The following CSMD1 variants were observed in gnomAD, a reference collection of about 807,000 sequenced individuals.
The protein encoded by CSMD1 is CUB and sushi domain-containing protein 1.
A neutral mutation model predicts 417.5 loss-of-function variants in CSMD1; 213 were observed. That is an observed-to-expected ratio of 0.51 (90% CI 0.46 to 0.57). CSMD1 has a LOEUF of 0.57. Ranked by LOEUF, CSMD1 falls within the 20% of genes least tolerant of loss-of-function variation. The pLI, the probability that CSMD1 is intolerant of heterozygous loss-of-function variation, is 0.00. For missense variants in CSMD1, 6,923 were observed against 4,529.7 expected, an observed-to-expected ratio of 1.53 and a Z score of -15.17; for synonymous variants, 2,862 against 1,736.8, an observed-to-expected ratio of 1.65 and a Z score of -16.11.
In CSMD1 at chr8:3,493,591, T is replaced by G. The variant is rs996341682; in HGVS notation, c.1448+32A>C. Reference sequence around the variant, plus strand: ...CCCACCGTGCCCCGCACTGCATGCATAAGAGAAGAAGAAGCTCAAGGACAT... The same window carrying G: ...CCCACCGTGCCCCGCACTGCATGCAGAAGAGAAGAAGAAGCTCAAGGACAT... On this transcript the variant is annotated intron_variant, in intron 11 of 69. Transcript: ENST00000635120. The G allele has an allele frequency of 2.6e-6, 4 of 1,559,530 alleles. No homozygotes were observed. In the African/African-American group the frequency reaches 5.4e-5, roughly 21 times the overall value.
In CSMD1 at chr8:3,498,110, T is replaced by C. The variant is rs765195223; in HGVS notation, c.1345-4384A>G. 3.9e-5 allele frequency among the ~76,000 whole-genome samples: 6 copies of C among 152,344 alleles called. 1 individual carries two copies. In the Middle Eastern group the frequency reaches 0.01, roughly 259 times the overall value. ...TTTCTTCTTCTTTTTTCTTTCAGCATTTTCATTATATCACCCTGTTCTCCC... is the reference window on the plus strand; with the variant it reads ...TTTCTTCTTCTTTTTTCTTTCAGCACTTTCATTATATCACCCTGTTCTCCC... On this transcript the variant is annotated intron_variant, in intron 10 of 69. Coordinates refer to ENST00000635120, the MANE Select transcript of CSMD1 (RefSeq NM_033225.6).
At chr8:4,184,146 G>T (rs912704222) in intron 3 of CSMD1, among the ~76,000 whole-genome samples, 1 of 152,060 alleles carries the variant, frequency 6.6e-6, no homozygotes, top group Non-Finnish European at 1.5e-5. Flanking sequence ...ATATATAAAT[G>T]CATAACTATG....
chr8:4,972,353 G>A (rs1238606135), intron 1 of CSMD1, among the ~76,000 whole-genome samples: 4 of 152,144 alleles, frequency 2.6e-5, no homozygotes, highest in East Asian at 3.9e-4. Context: ...GAGACCGGGT[G>A]CAGGTAATTG....
At chr8:4,633,065 A>G (rs1802615905) in intron 2 of CSMD1, among the ~76,000 whole-genome samples, 2 of 152,192 alleles carry the variant, frequency 1.3e-5, no homozygotes. Context: ...AGCCAGGGCT[A>G]GGACAGCAGC....
chr8:3,125,441 A>T (rs1229645801), intron 41 of CSMD1, among the ~76,000 whole-genome samples: 1 of 152,196 alleles, frequency 6.6e-6, no homozygotes, highest in African/African-American at 2.4e-5. Context: ...ACATATAAAA[A>T]GTTTTAATTT....
At chr8:3,084,241 G>C (rs894721344) in intron 49 of CSMD1, among the ~76,000 whole-genome samples, 1 of 152,058 alleles carries the variant, frequency 6.6e-6, no homozygotes, top group Non-Finnish European at 1.5e-5. Context: ...CTACATTCTA[G>C]AGCTGGGCAG....
intron 3 of CSMD1, among the ~76,000 whole-genome samples, chr8:4,068,123 T>C (rs77686422): frequency 0.027 from 4,169 of 152,168 alleles, 196 homozygotes; most frequent in African/African-American, 0.095. Context: ...GTGAGTGTCT[T>C]CTTGCAGAGC....
chr8:4,124,233 T>G (rs1239506128), intron 3 of CSMD1, among the ~76,000 whole-genome samples: 1 of 152,102 alleles, frequency 6.6e-6, no homozygotes. Flanking sequence ...GGCAGGGGAG[T>G]GTGAGGCCTG....
At chr8:4,045,567 T>C (rs1050871349) in intron 3 of CSMD1, among the ~76,000 whole-genome samples, 1 of 152,164 alleles carries the variant, frequency 6.6e-6, no homozygotes, top group Non-Finnish European at 1.5e-5. Flanking sequence ...AAAGAGGATG[T>C]GCAATGCTTT....
chr8:4,929,615 C>G (rs4076110), intron 1 of CSMD1, among the ~76,000 whole-genome samples: 1 of 152,138 alleles, frequency 6.6e-6, no homozygotes, highest in Non-Finnish European at 1.5e-5. Flanking sequence ...ATGATTTCAT[C>G]ATTTGTCACC....
intron 3 of CSMD1, among the ~76,000 whole-genome samples, chr8:4,243,909 CAG>C (rs1180969976): frequency 6.6e-6 from 1 of 152,148 alleles, no homozygotes; most frequent in African/African-American, 2.4e-5. Flanking sequence ...ATTAGGTTAG[CAG>C]AGAGTTTGCT....
At chr8:4,915,683 G>A (rs988299057) in intron 1 of CSMD1, among the ~76,000 whole-genome samples, 1 of 152,204 alleles carries the variant, frequency 6.6e-6, no homozygotes, top group Non-Finnish European at 1.5e-5. Flanking sequence ...CCCGGCGGCA[G>A]TGGATTTCGG....
rs11356680 is a variant in CSMD1, at chr8:4,225,503, C to CTT, written c.416-193406_416-193405dup. On this transcript the variant is annotated intron_variant, in intron 3 of 69. Transcript: ENST00000635120. Reference sequence around the variant, plus strand: ...CAAGTTTATATAAAGCAACTCATCACTTTTTTTTTTTTTTTTATTCCTTTT... The same window carrying CTT: ...CAAGTTTATATAAAGCAACTCATCACTTTTTTTTTTTTTTTTTTATTCCTTTT... Among the ~76,000 whole-genome samples the CTT allele has an allele frequency of 6.3e-3, 892 of 141,714 alleles. 10 individuals are homozygous for CTT. The highest frequency in any genetic ancestry group is 0.02 in the African/African-American group (779 of 38,582). 93.0% of individuals were successfully genotyped at this position (141,714 alleles called of 152,430 possible). A position where few individuals can be genotyped will look rare whatever the true frequency, so the allele number is the denominator to read the frequency against.
intron 1 of CSMD1, among the ~76,000 whole-genome samples, chr8:4,965,335 A>G (rs555768607): frequency 1.3e-5 from 2 of 152,326 alleles, no homozygotes; most frequent in Non-Finnish European, 1.5e-5. Context: ...TACTTCAATC[A>G]AAGTCAAACC....
At chr8:3,231,829 A>T (rs747845646) in intron 26 of CSMD1, among the ~76,000 whole-genome samples, 35 of 152,196 alleles carry the variant, frequency 2.3e-4, no homozygotes, top group Non-Finnish European at 4.7e-4. Context: ...CACACTTATC[A>T]TCAGCTAACA....
intron 1 of CSMD1, among the ~76,000 whole-genome samples, chr8:4,878,763 T>G (rs979535104): frequency 6.6e-6 from 1 of 151,644 alleles, no homozygotes; most frequent in Non-Finnish European, 1.5e-5. Context: ...AGTAAATTTG[T>G]GGGTTTTAAG....
chr8:3,248,504 C>CCTGTAA (rs1364702506), intron 26 of CSMD1, among the ~76,000 whole-genome samples: 2 of 145,306 alleles, frequency 1.4e-5, no homozygotes, highest in Non-Finnish European at 3.0e-5. Flanking sequence ...GCCAGGTACG[C>CCTGTAA]CTGTAATCAA....
At chr8:4,212,751 C>CTTTTTTTTTTTTTTTTTTTTTTTTTTT (rs5889027) in intron 3 of CSMD1, among the ~76,000 whole-genome samples, 1 of 99,264 alleles carries the variant, frequency 1.0e-5, no homozygotes, top group East Asian at 3.6e-4. Flanking sequence ...CGGCCTTATT[C>CTTTTTTTTTTTTTTTTTTTTTTTTTTT]TTTTTTTTTT....
At chr8:3,163,409 A>G (rs1820013051) in intron 37 of CSMD1, among the ~76,000 whole-genome samples, 1 of 151,314 alleles carries the variant, frequency 6.6e-6, no homozygotes, top group Admixed American at 6.6e-5. Flanking sequence ...TTAGTTAATC[A>G]GAAGGAAAAA....
Sources: gnomAD v4.1 joint callset for allele counts (sites outside exome capture counted in the v4.1 genomes callset) on GRCh38, gnomAD v4.1.1 for gene constraint, MANE v1.5 for transcripts, NCBI Gene and HGNC (gene_info 2026-07-23, HGNC 2026-07-21) for gene names.